The following SORBS2 variants were observed in gnomAD, a reference collection of about 807,000 sequenced individuals.
SORBS2 encodes the protein sorbin and SH3 domain containing 2.
Under a neutral mutation model 97.7 loss-of-function variants are expected in SORBS2, and 46 were observed. That is an observed-to-expected ratio of 0.47 (90% CI 0.37 to 0.60). The LOEUF is 0.60. SORBS2 is among the 20% of genes least tolerant of loss of function. SORBS2 has a pLI of 0.00. For missense variants in SORBS2, 1,316 were observed against 1,282.3 expected, an observed-to-expected ratio of 1.03 and a Z score of -0.40; for synonymous variants, 476 against 473.4, an observed-to-expected ratio of 1.01 and a Z score of -0.07.
chr4:185,796,380 G>A (rs2099104667), intron 1 of SORBS2, among the ~76,000 whole-genome samples: 1 of 152,180 alleles, frequency 6.6e-6, no homozygotes, highest in Admixed American at 6.5e-5. Context: ...CTCCATATCG[G>A]GCATCCTGCA....
intron 1 of SORBS2, among the ~76,000 whole-genome samples, chr4:185,814,122 C>A (rs2153668783): frequency 6.6e-6 from 1 of 152,226 alleles, no homozygotes; most frequent in Non-Finnish European, 1.5e-5. Flanking sequence ...AAAATGCTGG[C>A]ATGTTACAAA....
Position 185,783,910 on chromosome 4 carries a change from A to G in SORBS2, c.-337-8544T>C, listed in dbSNP as rs569088189. Among the ~76,000 whole-genome samples, 7 of 152,306 alleles carry G rather than the reference A, an allele frequency of 4.6e-5. No homozygotes were observed. In the South Asian group the frequency reaches 1.4e-3, roughly 32 times the overall value. ...ATTCCCATATTCATTACTCTGTAAAATAAGTCAAGTAGGTAAGAGGTGTGG... is the reference window on the plus strand; with the variant it reads ...ATTCCCATATTCATTACTCTGTAAAGTAAGTCAAGTAGGTAAGAGGTGTGG... On this transcript the variant is annotated intron_variant, in intron 1 of 20. Coordinates refer to the SORBS2 transcript ENST00000284776.
chr4:185,793,009 G>T (rs773317509), intron 1 of SORBS2, among the ~76,000 whole-genome samples: 1 of 152,160 alleles, frequency 6.6e-6, no homozygotes, highest in Non-Finnish European at 1.5e-5. Context: ...TCAATGAGAG[G>T]TATTTAAAGA....
rs532225236 is a variant in SORBS2 at position 185,758,873 on chromosome 4, A to G, written c.-198+16354T>C. Among the ~76,000 whole-genome samples the G allele has an allele frequency of 2.0e-5, 3 of 152,300 alleles. No individual in the cohort carries two copies. The South Asian group carries it at 6.2e-4, about 32-fold the overall frequency. On this transcript the variant is annotated intron_variant, in intron 2 of 20. Transcript: ENST00000284776. ...CTTCAACTTCCTTGCTCAACATTTGAAACTCCAAGCTGCACTGTCCTCAAC... is the reference window on the plus strand; with the variant it reads ...CTTCAACTTCCTTGCTCAACATTTGGAACTCCAAGCTGCACTGTCCTCAAC...
rs564745594 is a variant in SORBS2, at chr4:185,769,610, C to T, written c.-198+5617G>A. Reference sequence around the variant, plus strand: ...GGTTCAAGCAATTCTCCTGCCTCAGCCTCCTGAGTAGCTGGGATTACAGGC... The same window carrying T: ...GGTTCAAGCAATTCTCCTGCCTCAGTCTCCTGAGTAGCTGGGATTACAGGC... On this transcript the variant is annotated intron_variant, in intron 2 of 20. Transcript: ENST00000284776. Among the ~76,000 whole-genome samples, 3 of 152,272 alleles carry T rather than the reference C, an allele frequency of 2.0e-5. No individual in the cohort carries two copies. In the East Asian group the frequency reaches 5.8e-4, roughly 29 times the overall value.
chr4:185,953,912 A>G (rs896200577), intron 1 of SORBS2, among the ~76,000 whole-genome samples: 3 of 152,252 alleles, frequency 2.0e-5, no homozygotes, highest in Admixed American at 1.3e-4. Context: ...TGTGTGTCCA[A>G]GGCCAACCTT....
chr4:185,892,360 C>T (rs1411382746), intron 1 of SORBS2, among the ~76,000 whole-genome samples: 1 of 152,194 alleles, frequency 6.6e-6, no homozygotes, highest in Non-Finnish European at 1.5e-5. Context: ...CACTAGAGAG[C>T]TCTGCAACAT....
chr4:185,773,533 C>G (rs1259949754), intron 2 of SORBS2: 1 of 151,620 alleles, frequency 6.6e-6, no homozygotes, highest in African/African-American at 2.4e-5. Context: ...GGAGATTTGT[C>G]CTGTGGCCAC....
intron 7 of SORBS2, 36 bp from the exon 20 acceptor site, chr4:185,620,187 C>T (rs769949712): frequency 3.7e-6 from 5 of 1,364,790 alleles, no homozygotes; most frequent in Non-Finnish European, 5.2e-6. Flanking sequence ...TGGTGAGTAT[C>T]CACTTAATTA....
chr4:185,781,546 G>GCCTCCGGCC (rs1199673856), intron 1 of SORBS2, among the ~76,000 whole-genome samples: 5 of 149,460 alleles, frequency 3.3e-5, no homozygotes, highest in Non-Finnish European at 3.0e-5. Context: ...CCCTTCCATT[G>GCCTCCGGCC]CCTCCAGCCT....
intron 1 of SORBS2, among the ~76,000 whole-genome samples, chr4:185,937,953 T>C (rs1036252512): frequency 1.3e-5 from 2 of 151,928 alleles, no homozygotes; most frequent in African/African-American, 4.8e-5. Context: ...ACACCACTAC[T>C]GCTGTTCAGA....
At position 185,606,547 on chromosome 4, in the gene SORBS2, C is replaced by A. The variant is rs1233923404; in HGVS notation, c.2796+5233G>T. The A allele has an allele frequency of 2.0e-6, 2 of 984,954 alleles. No homozygotes were observed. Among genetic ancestry groups the A allele is most frequent in the Non-Finnish European group, 2.4e-6 (2 of 829,714 alleles). The allele number at this position is 984,954 out of a possible 1,614,324, so 61.0% of individuals were successfully genotyped here. On this transcript the variant is annotated intron_variant, in intron 12 of 14. Transcript: ENST00000418609. The surrounding 1 kb of genome is among the most constrained non-coding windows in gnomAD (Gnocchi z 4.3). ...ACTCTAATAGCTAATCATGGTAAGG[C>A]CGGTTAGTTCTTCCATAATCAGACA...
chr4:185,719,751 T>A lies in SORBS2; in HGVS notation c.-197-40929A>T, dbSNP rs537018584. On this transcript the variant is annotated intron_variant, in intron 2 of 20. Transcript: ENST00000284776. ...TTTGAAAACAAAAGCCCTAGCATAATGCAATAGGAATTCTTCTTGCCTGTA... is the reference window on the plus strand; with the variant it reads ...TTTGAAAACAAAAGCCCTAGCATAAAGCAATAGGAATTCTTCTTGCCTGTA... 1.2e-4 allele frequency among the ~76,000 whole-genome samples: 19 copies of A among 152,344 alleles called. No homozygotes were observed. The South Asian group carries it at 3.9e-3, about 32-fold the overall frequency.
chr4:185,795,325 G>T (rs1043204321), intron 1 of SORBS2, among the ~76,000 whole-genome samples: 1 of 152,068 alleles, frequency 6.6e-6, no homozygotes, highest in African/African-American at 2.4e-5. Context: ...GGCAGCTTCG[G>T]CAATTCCTTC....
chr4:185,661,772 C>A (rs2097525914), upstream of SORBS2, among the ~76,000 whole-genome samples: 1 of 152,218 alleles, frequency 6.6e-6, no homozygotes, highest in Non-Finnish European at 1.5e-5. Flanking sequence ...TCTTCCAAGT[C>A]CGAACAAGCT....
intron 1 of SORBS2, among the ~76,000 whole-genome samples, chr4:185,950,259 A>T (rs2099276591): frequency 6.6e-6 from 1 of 151,774 alleles, no homozygotes; most frequent in Non-Finnish European, 1.5e-5. Context: ...AAAAAAAAAA[A>T]AAGAATACTT....
At chr4:185,889,615 G>A (rs1013551398) in intron 1 of SORBS2, among the ~76,000 whole-genome samples, 1 of 152,038 alleles carries the variant, frequency 6.6e-6, no homozygotes, top group African/African-American at 2.4e-5. Flanking sequence ...ATCTTTTCAT[G>A]TTCCTCTCAG....
chr4:185,713,070 C>A (rs1256205425), intron 2 of SORBS2, among the ~76,000 whole-genome samples: 1 of 150,184 alleles, frequency 6.7e-6, no homozygotes, highest in Non-Finnish European at 1.5e-5. Context: ...CTATTCAAAG[C>A]CCTCCAGTCA....
At chr4:185,861,447 T>G (rs2648125) in intron 1 of SORBS2, among the ~76,000 whole-genome samples, 21,673 of 151,542 alleles carry the variant, frequency 0.14, 1,778 homozygotes, top group African/African-American at 0.22. Context: ...GAAGCTAGTG[T>G]AGGTGGGAGG....
Sources: gnomAD v4.1 joint callset for allele counts (sites outside exome capture counted in the v4.1 genomes callset) on GRCh38, gnomAD v4.1.1 for gene constraint, Gnocchi (gnomAD v3.1) non-coding constraint, MANE v1.5 for transcripts, NCBI Gene and HGNC (gene_info 2026-07-23, HGNC 2026-07-21) for gene names.